NLK: variants seen among roughly 807,000 people sequenced by gnomAD.
NLK encodes serine/threonine-protein kinase NLK.
Under a neutral mutation model 59.0 loss-of-function variants are expected in NLK, and 11 were observed. That is an observed-to-expected ratio of 0.19 (90% CI 0.12 to 0.31). The LOEUF (loss-of-function observed/expected upper bound fraction) is 0.31, where lower values mean the gene tolerates loss of function less well. Ranked by LOEUF, NLK falls within the 10% of genes least tolerant of loss-of-function variation. The probability of loss-of-function intolerance (pLI) is 1.00; values close to 1 mark genes in which losing one functional copy is unlikely to be tolerated. For missense variants in NLK, 410 were observed against 661.1 expected, an observed-to-expected ratio of 0.62 and a Z score of 4.16; for synonymous variants, 235 against 235.9, an observed-to-expected ratio of 1.00 and a Z score of 0.03.
chr17:28,192,967 A>G (rs369426480), intron 10 of NLK, among the ~76,000 whole-genome samples: 1 of 152,218 alleles, frequency 6.6e-6, no homozygotes, highest in South Asian at 2.1e-4. Flanking sequence ...TGGTAGAGCT[A>G]TGAACCTACA....
In NLK at chr17:28,187,456, C is replaced by T. The variant is rs1051099000; in HGVS notation, c.1236+2191C>T. ...TAGCTGGGATTACAGGCACGTGCCA[C>T]CACACCCGGCTAATTTTATATTTTT... On this transcript the variant is annotated intron_variant, in intron 8 of 10. Transcript: ENST00000407008. 4.6e-5 allele frequency among the ~76,000 whole-genome samples: 7 copies of T among 152,332 alleles called. No individual in the cohort carries two copies. The East Asian group carries it at 1.2e-3, about 25-fold the overall frequency.
chr17:28,170,220 T>C (rs762707000), intron 6 of NLK, among the ~76,000 whole-genome samples: 123 of 152,202 alleles, frequency 8.1e-4, no homozygotes, highest in Non-Finnish European at 1.4e-3. Context: ...AGAAAGAACC[T>C]GGCCATGGTG....
chr17:28,149,258 C>T (rs1017288174), intron 3 of NLK, among the ~76,000 whole-genome samples: 1 of 152,136 alleles, frequency 6.6e-6, no homozygotes, highest in Non-Finnish European at 1.5e-5. Context: ...GAGACGGGAT[C>T]TCTTTATGTT....
At chr17:28,178,906 C>T (rs1018256233) in intron 7 of NLK, among the ~76,000 whole-genome samples, 1 of 152,142 alleles carries the variant, frequency 6.6e-6, no homozygotes, top group Non-Finnish European at 1.5e-5. Context: ...AACGTCTGCT[C>T]GGGACACTTG....
intron 1 of NLK, among the ~76,000 whole-genome samples, chr17:28,116,654 C>T (rs1269709543): frequency 6.6e-6 from 1 of 152,202 alleles, no homozygotes; most frequent in Non-Finnish European, 1.5e-5. Context: ...TGCAAAGCCA[C>T]ACTGTCACAA....
At chr17:28,183,056 G>T (rs1003325606) in intron 7 of NLK, among the ~76,000 whole-genome samples, 1 of 152,186 alleles carries the variant, frequency 6.6e-6, no homozygotes, top group Non-Finnish European at 1.5e-5. Context: ...AACAGAGGAT[G>T]TAAAAAGGAT....
intron 5 of NLK, among the ~76,000 whole-genome samples, chr17:28,167,239 A>AT (rs1398547580): frequency 1.3e-5 from 2 of 151,686 alleles, no homozygotes; most frequent in Admixed American, 6.6e-5. Flanking sequence ...GGGTTTTTAA[A>AT]TTTTTTTTAA....
intron 8 of NLK, 132 bp downstream of exon 8, chr17:28,185,397 C>T: frequency 1.7e-6 from 1 of 573,296 alleles, no homozygotes; most frequent in Non-Finnish European, 3.0e-6. Flanking sequence ...TCCCCAGTAT[C>T]ATGTGTATCA....
chr17:28,124,885 A>G (rs1906228369), intron 2 of NLK, among the ~76,000 whole-genome samples: 1 of 152,008 alleles, frequency 6.6e-6, no homozygotes, highest in South Asian at 2.1e-4. Context: ...CCCCATCTCT[A>G]CAAAAAATAA....
Position 28,161,113 on chromosome 17 carries a change from G to A in NLK, c.645-47G>A, listed in dbSNP as rs769060625. The A allele has an allele frequency of 5.0e-6, 5 of 993,112 alleles. No individual in the cohort carries two copies. The South Asian group carries it at 6.5e-5, about 13-fold the overall frequency. The allele number at this position is 993,112 out of a possible 1,614,324, so 61.5% of individuals were successfully genotyped here. A position where few individuals can be genotyped will look rare whatever the true frequency, so the allele number is the denominator to read the frequency against. ...TTAGATCTGGTCACCACTTTGAGGG[G>A]GTAGGGGACTGAATTCGCCGAACTC... On this transcript the variant is annotated intron_variant, in intron 3 of 10. Transcript: ENST00000407008.
At chr17:28,163,421 A>G (rs1245832774) in intron 4 of NLK, 122 bp from the exon 5 acceptor site, 2 of 611,672 alleles carry the variant, frequency 3.3e-6, no homozygotes, top group East Asian at 2.9e-5. Flanking sequence ...AATAATGTTC[A>G]TTATGCAGTT....
At chr17:28,058,662 T>C (rs1909524121) in intron 1 of NLK, among the ~76,000 whole-genome samples, 1 of 152,202 alleles carries the variant, frequency 6.6e-6, no homozygotes, top group Non-Finnish European at 1.5e-5. Flanking sequence ...TAGGAGGCTA[T>C]GGCAGGAGGC....
At chr17:28,112,812 C>T (rs993670109) in intron 1 of NLK, among the ~76,000 whole-genome samples, 1 of 152,136 alleles carries the variant, frequency 6.6e-6, no homozygotes, top group African/African-American at 2.4e-5. Context: ...CCTAAATTTG[C>T]TGACAGCGCT....
At position 28,125,773 on chromosome 17, in the gene NLK, C is replaced by T. The variant is rs886111368; in HGVS notation, c.588+3041C>T. Among the ~76,000 whole-genome samples the T allele has an allele frequency of 3.3e-5, 5 of 152,118 alleles. No homozygotes were observed. The East Asian group carries it at 9.6e-4, about 29-fold the overall frequency. ...TGTGTCCTATGTAAGGAGTGCGGTG[C>T]TAGGTCATGTGGAGGATACAATAAA... On this transcript the variant is annotated intron_variant, in intron 2 of 10. Coordinates refer to ENST00000407008, the MANE Select transcript of NLK (RefSeq NM_016231.5).
chr17:28,183,773 G>GT (rs199949649), intron 7 of NLK, among the ~76,000 whole-genome samples: 18 of 150,500 alleles, frequency 1.2e-4, no homozygotes, highest in East Asian at 7.8e-4. Context: ...TTAGTTTTTT[G>GT]TTTTTTTTTA....
At chr17:28,160,131 G>T (rs1907942904) in intron 3 of NLK, among the ~76,000 whole-genome samples, 1 of 152,218 alleles carries the variant, frequency 6.6e-6, no homozygotes, top group Admixed American at 6.5e-5. Context: ...CATGGCACTG[G>T]ATCCGAGTAT....
Position 28,153,134 on chromosome 17 carries a change from C to T in NLK, c.645-8026C>T, listed in dbSNP as rs1341970237. On this transcript the variant is annotated intron_variant, in intron 3 of 10. Transcript: ENST00000407008. ...ACTAAAAATAGAAAGATTAGCCAGG[C>T]GTGGTAGCACATGCCTGTAATCCCA... Among the ~76,000 whole-genome samples, 3 of 151,724 alleles carry T rather than the reference C, an allele frequency of 2.0e-5. No individual in the cohort carries two copies. In the East Asian group the frequency reaches 5.8e-4, roughly 30 times the overall value.
rs1310171137 is a variant in NLK, at chr17:28,111,890, GTGTGTGGTGTGTGTGTGTGT to G, written c.459-10712_459-10693del. ...TGTGTGTGTGTGTGTGTGTGTGTGT[GTGTGTGGTGTGTGTGTGTGT>G]GTGTGTGTGTGTGTGTGTGTGTGTG... is the stretch of plus-strand genomic sequence containing the variant. On this transcript the variant is annotated intron_variant, in intron 1 of 10. Coordinates refer to ENST00000407008, the MANE Select transcript of NLK (RefSeq NM_016231.5). Among the ~76,000 whole-genome samples, 323 of 117,570 alleles carry G rather than the reference GTGTGTGGTGTGTGTGTGTGT, an allele frequency of 2.7e-3. 2 individuals carry two copies. The highest frequency in any genetic ancestry group is 0.011 in the African/African-American group (308 of 28,506). 77.1% of individuals were successfully genotyped at this position (117,570 alleles called of 152,430 possible). A position where few individuals can be genotyped will look rare whatever the true frequency, so the allele number is the denominator to read the frequency against.
intron 1 of NLK, among the ~76,000 whole-genome samples, chr17:28,092,807 A>AT (rs941208714): frequency 3.5e-4 from 45 of 128,770 alleles, no homozygotes; most frequent in Middle Eastern, 3.7e-3. Flanking sequence ...ATTTTATTTT[A>AT]TTTATTTATT....
Sources: gnomAD v4.1 joint callset for allele counts (sites outside exome capture counted in the v4.1 genomes callset) on GRCh38, gnomAD v4.1.1 for gene constraint, MANE v1.5 for transcripts, NCBI Gene and HGNC (gene_info 2026-07-23, HGNC 2026-07-21) for gene names.